The following ST6GALNAC5 variants were observed in gnomAD, a reference collection of about 807,000 sequenced individuals.
The protein encoded by ST6GALNAC5 is ST6 N-acetylgalactosaminide alpha-2,6-sialyltransferase 5.
A neutral mutation model predicts 33.6 loss-of-function variants in ST6GALNAC5; 27 were observed. The ratio of observed to expected loss-of-function variants is 0.80; its 90% CI spans 0.59 to 1.11. The LOEUF is 1.11. Among genes scored for constraint, ST6GALNAC5 ranks in the 50% least tolerant of loss-of-function variants. The pLI is 0.00. For synonymous variants in ST6GALNAC5, 194 were observed against 171.2 expected (o/e 1.13, Z -1.04); for missense variants, 428 against 454.0 (o/e 0.94, Z 0.52).
intron 2 of ST6GALNAC5, among the ~76,000 whole-genome samples, chr1:76,976,132 AAGACAG>A (rs1649001947): frequency 6.6e-6 from 1 of 151,952 alleles, no homozygotes; most frequent in Non-Finnish European, 1.5e-5. Context: ...TTAAAGAAGA[AAGACAG>A]AGACAGAGAC....
chr1:76,888,749 A>G (rs376735615), intron 2 of ST6GALNAC5, among the ~76,000 whole-genome samples: 3 of 151,954 alleles, frequency 2.0e-5, no homozygotes, highest in East Asian at 1.9e-4. Flanking sequence ...TTTAACATGT[A>G]TATTACCAAA....
In ST6GALNAC5 at chr1:77,012,690, AAAG is replaced by A. The variant is rs1346519227; in HGVS notation, c.262-31509_262-31507del. 1.7e-4 allele frequency among the ~76,000 whole-genome samples: 26 copies of A among 152,350 alleles called. No individual in the cohort carries two copies. The East Asian group carries it at 3.7e-3, about 21-fold the overall frequency. ...TTCTAGATGCTTTTTAGCTGAAGTT[AAAG>A]AAGATTATGGGTGAATTAGAAAAGG... On this transcript the variant is annotated intron_variant, in intron 2 of 4. Transcript: ENST00000477717.
chr1:77,009,423 G>A (rs1650546955), intron 2 of ST6GALNAC5, among the ~76,000 whole-genome samples: 1 of 152,248 alleles, frequency 6.6e-6, no homozygotes, highest in South Asian at 2.1e-4. Context: ...GGCACGCAGG[G>A]AGAGGGTGAA....
At chr1:77,046,460 T>C (rs12084940) in intron 3 of ST6GALNAC5, among the ~76,000 whole-genome samples, 2,064 of 152,274 alleles carry the variant, frequency 0.014, 47 homozygotes, top group African/African-American at 0.047. Context: ...GCAGGAGGCA[T>C]GGGTCTGGTG....
At chr1:76,969,928 A>G (rs1303022916) in intron 2 of ST6GALNAC5, among the ~76,000 whole-genome samples, 2 of 152,120 alleles carry the variant, frequency 1.3e-5, no homozygotes, top group Non-Finnish European at 2.9e-5. Context: ...GTGGACCACC[A>G]GCAAACTCCA....
chr1:76,915,295 G>C (rs1275778511), intron 2 of ST6GALNAC5, among the ~76,000 whole-genome samples: 2 of 151,864 alleles, frequency 1.3e-5, no homozygotes, highest in Admixed American at 1.3e-4. Flanking sequence ...CGATTCCTCA[G>C]GGATCTAGAA....
chr1:77,013,003 C>T (rs1650695896), intron 2 of ST6GALNAC5, among the ~76,000 whole-genome samples: 1 of 152,144 alleles, frequency 6.6e-6, no homozygotes, highest in South Asian at 2.1e-4. Context: ...AAGAAGGAGG[C>T]TTTGCATTAT....
intron 2 of ST6GALNAC5, among the ~76,000 whole-genome samples, chr1:76,874,473 A>G (rs1220669357): frequency 6.6e-6 from 1 of 152,198 alleles, no homozygotes; most frequent in African/African-American, 2.4e-5. Context: ...AACTTACACG[A>G]TCACAGCTTC....
intron 3 of ST6GALNAC5, 141 bp downstream of exon 3, chr1:77,044,754 T>TC: frequency 9.8e-7 from 1 of 1,015,678 alleles, no homozygotes; most frequent in Non-Finnish European, 1.4e-6. Context: ...ACTTGTAGGG[T>TC]CCTCTGCGTG....
chr1:76,888,634 T>G (rs1013419832), intron 2 of ST6GALNAC5, among the ~76,000 whole-genome samples: 1 of 152,120 alleles, frequency 6.6e-6, no homozygotes, highest in African/African-American at 2.4e-5. Flanking sequence ...AAACTCTCCT[T>G]TTCCCCTGGA....
At chr1:77,022,172 C>G (rs1651077306) in intron 2 of ST6GALNAC5, among the ~76,000 whole-genome samples, 1 of 152,138 alleles carries the variant, frequency 6.6e-6, no homozygotes. Flanking sequence ...TCCATAAAAG[C>G]AGAAAATTAA....
chr1:76,873,275 C>T (rs995502645), intron 2 of ST6GALNAC5, among the ~76,000 whole-genome samples: 2 of 152,180 alleles, frequency 1.3e-5, no homozygotes, highest in Non-Finnish European at 2.9e-5. Flanking sequence ...TTTAACTAGC[C>T]CCTCCTCAAC....
At chr1:77,014,614 C>G (rs1650755739) in intron 2 of ST6GALNAC5, among the ~76,000 whole-genome samples, 1 of 152,206 alleles carries the variant, frequency 6.6e-6, no homozygotes, top group Non-Finnish European at 1.5e-5. Context: ...CGGCCCAGGT[C>G]AGTAGAGCCC....
chr1:76,998,196 C>A (rs892087878), intron 2 of ST6GALNAC5, among the ~76,000 whole-genome samples: 2 of 151,898 alleles, frequency 1.3e-5, no homozygotes, highest in South Asian at 2.1e-4. Context: ...AAATTGGTAC[C>A]AGGAGTAGTG....
chr1:76,902,468 C>A (rs1379965532), intron 2 of ST6GALNAC5, among the ~76,000 whole-genome samples: 2 of 152,088 alleles, frequency 1.3e-5, no homozygotes, highest in African/African-American at 2.4e-5. Flanking sequence ...AGATTCAGTA[C>A]AATCTCTGTT....
At position 76,923,095 on chromosome 1, in the gene ST6GALNAC5, T is replaced by C. The variant is rs185718716; in HGVS notation, c.261+54353T>C. On this transcript the variant is annotated intron_variant, in intron 2 of 4. Coordinates refer to ENST00000477717, the MANE Select transcript of ST6GALNAC5 (RefSeq NM_030965.3). The stretch of plus-strand genomic sequence containing the variant: ...GGGATCCTTATGGCAATGAAATATT[T>C]TCTATCTCAACTGGATCAGTGTCAG... Among the ~76,000 whole-genome samples, 253 of 152,270 alleles carry C rather than the reference T, an allele frequency of 1.7e-3. 1 individual carries two copies. Among genetic ancestry groups the C allele is most frequent in the Non-Finnish European group, 3.0e-3 (204 of 68,006 alleles).
intron 2 of ST6GALNAC5, among the ~76,000 whole-genome samples, chr1:76,975,373 A>G (rs1211302230): frequency 6.6e-6 from 1 of 152,194 alleles, no homozygotes; most frequent in Non-Finnish European, 1.5e-5. Flanking sequence ...ATATCTATAT[A>G]TTTCTTGATA....
At chr1:76,922,311 G>T (rs1647041971) in intron 2 of ST6GALNAC5, among the ~76,000 whole-genome samples, 1 of 152,014 alleles carries the variant, frequency 6.6e-6, no homozygotes, top group Non-Finnish European at 1.5e-5. Context: ...ACAAAAAAAT[G>T]TACAGAATCT....
intron 2 of ST6GALNAC5, among the ~76,000 whole-genome samples, chr1:76,923,766 T>C (rs1570676896): frequency 6.6e-6 from 1 of 151,948 alleles, no homozygotes; most frequent in African/African-American, 2.4e-5. Flanking sequence ...TGAGGTTAGA[T>C]CTCATGGATT....
Sources: gnomAD v4.1 joint callset for allele counts (sites outside exome capture counted in the v4.1 genomes callset) on GRCh38, gnomAD v4.1.1 for gene constraint, MANE v1.5 for transcripts, NCBI Gene and HGNC (gene_info 2026-07-23, HGNC 2026-07-21) for gene names.